ADAMTS12: variants seen among roughly 807,000 people sequenced by gnomAD.
The protein encoded by ADAMTS12 is A disintegrin and metalloproteinase with thrombospondin motifs 12.
In ADAMTS12, 118 loss-of-function variants were observed where a neutral mutation model predicts 167.8. The observed-to-expected ratio is 0.70, with a 90% CI of 0.61 to 0.82. The LOEUF (loss-of-function observed/expected upper bound fraction) is 0.82, where lower values mean the gene tolerates loss of function less well. Among genes scored for constraint, ADAMTS12 ranks in the 40% least tolerant of loss-of-function variants. The probability of loss-of-function intolerance (pLI) is 0.00; values close to 1 mark genes in which losing one functional copy is unlikely to be tolerated. For synonymous variants in ADAMTS12, 704 were observed against 716.9 expected, an observed-to-expected ratio of 0.98 and a Z score of 0.29; for missense variants, 1,916 against 1,998.8, an observed-to-expected ratio of 0.96 and a Z score of 0.79.
In ADAMTS12 at chr5:33,854,786, G is replaced by A. The variant is rs544039544; in HGVS notation, c.489+26333C>T. ...ACTGATAGCGACAGGAGGAATTTCC[G>A]CCAGCCAGAGGCCCCATTCCAAAGT... On this transcript the variant is annotated intron_variant, in intron 2 of 23. Transcript: ENST00000504830. Among the ~76,000 whole-genome samples, 11 of 152,268 alleles carry A rather than the reference G, an allele frequency of 7.2e-5. No individual in the cohort carries two copies. In the East Asian group the frequency reaches 9.6e-4, roughly 13 times the overall value.
intron 13 of ADAMTS12, among the ~76,000 whole-genome samples, chr5:33,624,706 T>C (rs1195672029): frequency 6.6e-6 from 1 of 152,192 alleles, no homozygotes; most frequent in African/African-American, 2.4e-5. Flanking sequence ...GTTCTCATCC[T>C]GGAAAAGGAG....
intron 2 of ADAMTS12, among the ~76,000 whole-genome samples, chr5:33,875,649 G>A (rs779034093): frequency 3.3e-5 from 5 of 152,084 alleles, no homozygotes; most frequent in African/African-American, 4.8e-5. Flanking sequence ...GAAAACTTCC[G>A]TGACTTGATA....
Position 33,614,317 on chromosome 5 carries a change from G to A in ADAMTS12, c.2448C>T (p.Gly816=). ...TCTGCTGCTCAACATCATTGTCAAG[G>A]CCATCTTTCTGGATTGTGTACTCAT... The part of the protein sequence containing the change: ...IKYEYTIQKD[G]LDNDVEQQMY... The change falls in exon 16 of 24, where the codon GGC becomes GGT. Residue 816 remains glycine (G), a synonymous_variant. Transcript: ENST00000504830. 6.2e-7 allele frequency: 1 copy of A among 1,614,102 alleles called. No homozygotes were observed. Among genetic ancestry groups the A allele is most frequent in the South Asian group, 1.1e-5 (1 of 91,080 alleles).
At chr5:33,760,013 C>T (rs1459676229) in intron 2 of ADAMTS12, among the ~76,000 whole-genome samples, 1 of 152,058 alleles carries the variant, frequency 6.6e-6, no homozygotes, top group African/African-American at 2.4e-5. Context: ...ATGCGTATGC[C>T]CAGGAGCCCT....
chr5:33,589,995 AT>A (rs1267696696), intron 17 of ADAMTS12, among the ~76,000 whole-genome samples: 2 of 152,344 alleles, frequency 1.3e-5, no homozygotes, highest in East Asian at 3.9e-4. Context: ...GAGATTACTT[AT>A]TTATTCTTTG....
At chr5:33,571,254 C>G (rs1746325080) in intron 19 of ADAMTS12, among the ~76,000 whole-genome samples, 1 of 152,006 alleles carries the variant, frequency 6.6e-6, no homozygotes, top group African/African-American at 2.4e-5. Context: ...ACCTAATAGA[C>G]ATCTACAGAA....
intron 2 of ADAMTS12, among the ~76,000 whole-genome samples, chr5:33,794,613 C>CAGTGCCTGCATTCTAGTT (rs141061219): frequency 0.19 from 28,668 of 152,178 alleles, 2,818 homozygotes; most frequent in African/African-American, 0.22. Context: ...TGCAGGTAGG[C>CAGTGCCTGCATTCTAGTT]ACGGCACTTC....
intron 20 of ADAMTS12, among the ~76,000 whole-genome samples, chr5:33,555,406 C>G (rs544459050): frequency 6.6e-6 from 1 of 152,050 alleles, no homozygotes; most frequent in Non-Finnish European, 1.5e-5. Flanking sequence ...TGTACCAAGC[C>G]GGGCTAAGTT....
intron 2 of ADAMTS12, among the ~76,000 whole-genome samples, chr5:33,849,571 G>GTGTATTGCATAGCAATACACATA (rs1324705844): frequency 1.3e-4 from 13 of 97,128 alleles, no homozygotes; most frequent in South Asian, 5.6e-4. Context: ...CAATACACAT[G>GTGTATTGCATAGCAATACACATA]TGTATTGCAT....
intron 3 of ADAMTS12, among the ~76,000 whole-genome samples, chr5:33,750,060 G>T (rs978661285): frequency 8.5e-5 from 13 of 152,130 alleles, no homozygotes; most frequent in Non-Finnish European, 1.3e-4. Flanking sequence ...GAGTGTAATA[G>T]GAATTGGGCA....
At chr5:33,832,235 C>A (rs1242049675) in intron 2 of ADAMTS12, among the ~76,000 whole-genome samples, 1 of 152,158 alleles carries the variant, frequency 6.6e-6, no homozygotes, top group Non-Finnish European at 1.5e-5. Context: ...GGAAGGGGGT[C>A]TTTTATTCAT....
chr5:33,851,435 G>T (rs1305294417), intron 2 of ADAMTS12, among the ~76,000 whole-genome samples: 4 of 152,032 alleles, frequency 2.6e-5, no homozygotes, highest in African/African-American at 9.7e-5. Context: ...AAAATAAAAG[G>T]AAAGAGGAGT....
rs560380067 is a variant in ADAMTS12 at position 33,534,690 on chromosome 5, T to C, written c.4606+143A>G. The C allele has an allele frequency of 6.4e-6, 7 of 1,093,298 alleles. No homozygotes were observed. The East Asian group carries it at 1.8e-4, about 28-fold the overall frequency. The allele number at this position is 1,093,298 out of a possible 1,614,324, so 67.7% of individuals were successfully genotyped here. A position where few individuals can be genotyped will look rare whatever the true frequency, so the allele number is the denominator to read the frequency against. ...TCAAACCTCACCAGATCAGATAGTT[T>C]GTTCCCAGGGTTACTGGTTGACCTC... On this transcript the variant is annotated intron_variant, in intron 23 of 23. Transcript: ENST00000504830.
intron 19 of ADAMTS12, among the ~76,000 whole-genome samples, chr5:33,562,634 A>AT (rs201008805): frequency 0.038 from 5,359 of 142,570 alleles, 122 homozygotes; most frequent in East Asian, 0.085. Flanking sequence ...TCTCCATATA[A>AT]TTTTTTTTTT....
chr5:33,527,504 CT>C, intron 23 of ADAMTS12, 138 bp from the exon 24 acceptor site: 1 of 815,870 alleles, frequency 1.2e-6, no homozygotes, highest in Non-Finnish European at 1.9e-6. Context: ...GTGGTATCTA[CT>C]GAATGTTTAT....
intron 21 of ADAMTS12, among the ~76,000 whole-genome samples, chr5:33,547,375 C>A (rs1561116874): frequency 6.6e-6 from 1 of 152,136 alleles, no homozygotes; most frequent in Non-Finnish European, 1.5e-5. Flanking sequence ...TGTTGACAAG[C>A]CCTCCAGGTT....
chr5:33,760,582 A>G (rs1745317944), intron 2 of ADAMTS12, among the ~76,000 whole-genome samples: 1 of 152,210 alleles, frequency 6.6e-6, no homozygotes, highest in Non-Finnish European at 1.5e-5. Flanking sequence ...AAAACTAGGA[A>G]AGGAATTTTC....
intron 2 of ADAMTS12, among the ~76,000 whole-genome samples, chr5:33,872,148 C>T (rs931808436): frequency 1.3e-5 from 2 of 152,216 alleles, no homozygotes; most frequent in African/African-American, 2.4e-5. Flanking sequence ...GAAATTATGT[C>T]AGTTCCCTGA....
In ADAMTS12 at chr5:33,682,926, C is replaced by T. The variant is rs1742181736; in HGVS notation, c.915+92G>A. ...ATGGGCTTCCAAACACTTTCTGGTACCCTCTTTCTTGTCTACCAAGAACTC... is the reference window on the plus strand; with the variant it reads ...ATGGGCTTCCAAACACTTTCTGGTATCCTCTTTCTTGTCTACCAAGAACTC... On this transcript the variant is annotated intron_variant, in intron 5 of 23. Coordinates refer to ENST00000504830, the MANE Select transcript of ADAMTS12 (RefSeq NM_030955.4). 3 of 987,120 alleles carry T rather than the reference C, an allele frequency of 3.0e-6. No homozygotes were observed. The African/African-American group carries it at 4.9e-5, about 16-fold the overall frequency. 61.1% of individuals were successfully genotyped at this position (987,120 alleles called of 1,614,324 possible).
Sources: gnomAD v4.1 joint callset for allele counts (sites outside exome capture counted in the v4.1 genomes callset) on GRCh38, gnomAD v4.1.1 for gene constraint, MANE v1.5 for transcripts, NCBI Gene and HGNC (gene_info 2026-07-23, HGNC 2026-07-21) for gene names.